Variants in LRP1B observed in about 807,000 individuals in gnomAD.
LRP1B encodes LDL receptor related protein 1B.
A neutral mutation model predicts 556.6 loss-of-function variants in LRP1B; 217 were observed. The ratio of observed to expected loss-of-function variants is 0.39; its 90% confidence interval spans 0.35 to 0.44. The LOEUF (loss-of-function observed/expected upper bound fraction) is 0.44, where lower values mean the gene tolerates loss of function less well. Among genes scored for constraint, LRP1B ranks in the 20% least tolerant of loss-of-function variants. The pLI is 1.00. For synonymous variants in LRP1B, 2,047 were observed against 1,865.8 expected (o/e 1.10, Z -2.50); for missense variants, 5,053 against 5,620.8 (o/e 0.90, Z 3.23).
chr2:141,038,406 A>T (rs1165307401), intron 11 of LRP1B, among the ~76,000 whole-genome samples: 6 of 152,116 alleles, frequency 3.9e-5, no homozygotes, highest in Admixed American at 3.9e-4. Context: ...GTGTAAGCTG[A>T]AAGGATTGGG....
chr2:140,842,606 CTTT>C (rs565024821), intron 29 of LRP1B, among the ~76,000 whole-genome samples: 1 of 146,086 alleles, frequency 6.8e-6, no homozygotes. Flanking sequence ...CCAATTTCAT[CTTT>C]TTTTTTTTAG....
intron 11 of LRP1B, among the ~76,000 whole-genome samples, chr2:141,031,042 C>T (rs908093099): frequency 1.7e-4 from 26 of 151,796 alleles, no homozygotes; most frequent in Non-Finnish European, 3.1e-4. Flanking sequence ...CACAAACCTC[C>T]TACATATTCA....
intron 1 of LRP1B, among the ~76,000 whole-genome samples, chr2:141,984,475 A>C (rs1435605): frequency 0.87 from 131,723 of 151,946 alleles, 57,191 homozygotes; most frequent in East Asian, 0.95. Context: ...ATTGTAATTC[A>C]GGCTCAAAAT....
rs567721886 is a variant in LRP1B, at chr2:141,443,362, G to T, written c.343+37034C>A. Among the ~76,000 whole-genome samples the T allele has an allele frequency of 6.6e-4, 101 of 152,092 alleles. 3 individuals carry two copies. In the South Asian group the frequency reaches 0.021, roughly 31 times the overall value. ...GTCAGATGGATAGGTTGCAAAATTT[G>T]TCTCCCATTCTGCAGGTTGCCTGTT... is the stretch of plus-strand genomic sequence containing the variant. On this transcript the variant is annotated intron_variant, in intron 3 of 90. Coordinates refer to ENST00000389484, the MANE Select transcript of LRP1B (RefSeq NM_018557.3).
intron 2 of LRP1B, among the ~76,000 whole-genome samples, chr2:141,800,755 A>G (rs1048633766): frequency 6.6e-6 from 1 of 151,922 alleles, no homozygotes; most frequent in African/African-American, 2.4e-5. Flanking sequence ...ATAAAGTGAG[A>G]AAAAAACTAG....
At chr2:141,675,631 C>T (rs900229705) in intron 2 of LRP1B, among the ~76,000 whole-genome samples, 5 of 151,374 alleles carry the variant, frequency 3.3e-5, no homozygotes, top group African/African-American at 4.8e-5. Flanking sequence ...ATTCCTGACT[C>T]ATAGTAAGTA....
At chr2:141,899,238 T>A (rs1447634902) in intron 1 of LRP1B, among the ~76,000 whole-genome samples, 1 of 152,146 alleles carries the variant, frequency 6.6e-6, no homozygotes, top group Non-Finnish European at 1.5e-5. Flanking sequence ...GCTGATGGAA[T>A]CTGCTAGTTA....
At chr2:140,275,292 G>A (rs534283705) in intron 84 of LRP1B, among the ~76,000 whole-genome samples, 1 of 152,100 alleles carries the variant, frequency 6.6e-6, no homozygotes, top group East Asian at 2.0e-4. Flanking sequence ...GTAGAAGCTC[G>A]GCAGTTGCCT....
chr2:140,355,825 C>T (rs1369362843), intron 75 of LRP1B, among the ~76,000 whole-genome samples: 1 of 151,812 alleles, frequency 6.6e-6, no homozygotes, highest in African/African-American at 2.4e-5. Context: ...CCTACATGCT[C>T]AATTTTTAAA....
intron 16 of LRP1B, among the ~76,000 whole-genome samples, chr2:140,990,736 T>C (rs1191648187): frequency 6.6e-6 from 1 of 152,142 alleles, no homozygotes; most frequent in African/African-American, 2.4e-5. Context: ...TATGATTATT[T>C]TTCCTCCATT....
intron 1 of LRP1B, among the ~76,000 whole-genome samples, chr2:141,816,617 G>T (rs568202807): frequency 6.6e-6 from 1 of 152,182 alleles, no homozygotes; most frequent in Admixed American, 6.5e-5. Flanking sequence ...ACGGCCTATT[G>T]TGGGACTGCA....
At chr2:141,890,323 C>CATATATATATATATATAT (rs556472129) in intron 1 of LRP1B, among the ~76,000 whole-genome samples, 60 of 83,794 alleles carry the variant, frequency 7.2e-4, no homozygotes, top group African/African-American at 2.0e-3. Context: ...GGGCACAATA[C>CATATATATATATATATAT]ATATATATAT....
chr2:142,126,594 T>C (rs1707664044), intron 1 of LRP1B, among the ~76,000 whole-genome samples: 2 of 151,918 alleles, frequency 1.3e-5, no homozygotes, highest in African/African-American at 2.4e-5. Context: ...AAGACAAGTG[T>C]TTCCTTTGTA....
intron 4 of LRP1B, among the ~76,000 whole-genome samples, chr2:141,253,291 C>T (rs2679448): frequency 3.9e-4 from 59 of 152,188 alleles, no homozygotes; most frequent in African/African-American, 4.1e-4. Flanking sequence ...GTGCAATTTT[C>T]TGATTTTCAA....
chr2:140,676,271 A>C (rs975442747), intron 41 of LRP1B, among the ~76,000 whole-genome samples: 4 of 152,170 alleles, frequency 2.6e-5, no homozygotes, highest in Non-Finnish European at 5.9e-5. Flanking sequence ...TGCTCTGGGT[A>C]AAATAAATAA....
At chr2:140,249,532 A>G (rs1020405248) in intron 86 of LRP1B, among the ~76,000 whole-genome samples, 1 of 151,478 alleles carries the variant, frequency 6.6e-6, no homozygotes, top group Admixed American at 6.6e-5. Flanking sequence ...TACTTATTAT[A>G]TATTGGAAAA....
chr2:141,886,184 A>G (rs1165803775), intron 1 of LRP1B, among the ~76,000 whole-genome samples: 2 of 152,206 alleles, frequency 1.3e-5, no homozygotes, highest in Non-Finnish European at 2.9e-5. Context: ...GAATGTTCCT[A>G]CATTCATGCC....
At chr2:140,882,373 G>T (rs190824217) in intron 25 of LRP1B, among the ~76,000 whole-genome samples, 2 of 152,254 alleles carry the variant, frequency 1.3e-5, no homozygotes, top group African/African-American at 4.8e-5. Flanking sequence ...GTTATTACAG[G>T]AAGTAATGGG....
chr2:141,284,118 G>T (rs776680552), intron 3 of LRP1B, among the ~76,000 whole-genome samples: 2 of 152,092 alleles, frequency 1.3e-5, no homozygotes. Context: ...AAATAAAAAT[G>T]CACAGTGGTC....
Sources: gnomAD v4.1 joint callset for allele counts (sites outside exome capture counted in the v4.1 genomes callset) on GRCh38, gnomAD v4.1.1 for gene constraint, MANE v1.5 for transcripts, NCBI Gene and HGNC (gene_info 2026-07-23, HGNC 2026-07-21) for gene names.